LTBP1: variants seen among roughly 807,000 people sequenced by gnomAD.
LTBP1 encodes the protein latent-transforming growth factor beta-binding protein 1.
In LTBP1, 129 loss-of-function variants were observed where a neutral mutation model predicts 207.6. The observed-to-expected ratio is 0.62, with a 90% CI of 0.54 to 0.72. The LOEUF (loss-of-function observed/expected upper bound fraction) is 0.72. LTBP1 is among the 30% of genes least tolerant of loss of function. LTBP1 has a pLI of 0.00. For synonymous variants in LTBP1, 963 were observed against 833.7 expected, an observed-to-expected ratio of 1.16 and a Z score of -2.67; for missense variants, 2,281 against 2,217.2, an observed-to-expected ratio of 1.03 and a Z score of -0.58.
At position 32,979,174 on chromosome 2, in the gene LTBP1, A is replaced by T. The variant is rs182642615; in HGVS notation, c.565+30229A>T. 2.6e-3 allele frequency among the ~76,000 whole-genome samples: 395 copies of T among 149,174 alleles called. 1 individual carries two copies. The highest frequency in any genetic ancestry group is 6.9e-3 in the Middle Eastern group (2 of 288). On this transcript the variant is annotated intron_variant, in intron 2 of 33. Coordinates refer to ENST00000404816, the MANE Select transcript of LTBP1 (RefSeq NM_206943.4). ...CATTTCATTGATCTTTTATATATAT[A>T]TTTTTTTCATTTAAATTTCATTTAT...
intron 5 of LTBP1, among the ~76,000 whole-genome samples, chr2:33,142,784 T>A (rs1407360286): frequency 1.3e-5 from 2 of 152,186 alleles, no homozygotes; most frequent in Non-Finnish European, 2.9e-5. Flanking sequence ...TTGCTCCTTT[T>A]AAGCCATTCC....
At chr2:33,236,462 A>G (rs577293108) in intron 9 of LTBP1, among the ~76,000 whole-genome samples, 1 of 152,180 alleles carries the variant, frequency 6.6e-6, no homozygotes, top group African/African-American at 2.4e-5. Flanking sequence ...TGAGCACCCT[A>G]TTTCAGCATT....
chr2:33,337,511 A>AT (rs2094566846), intron 24 of LTBP1, among the ~76,000 whole-genome samples: 1 of 152,228 alleles, frequency 6.6e-6, no homozygotes, highest in African/African-American at 2.4e-5. Context: ...CTTTATTTCC[A>AT]TTGAAATATC....
intron 3 of LTBP1, among the ~76,000 whole-genome samples, chr2:33,064,658 C>A (rs1386693937): frequency 6.6e-6 from 1 of 152,104 alleles, no homozygotes; most frequent in African/African-American, 2.4e-5. Flanking sequence ...TTTTCATTTC[C>A]CTGGATAGCA....
chr2:33,258,546 C>CA (rs2092922818), intron 12 of LTBP1, among the ~76,000 whole-genome samples: 1 of 152,114 alleles, frequency 6.6e-6, no homozygotes, highest in Admixed American at 6.5e-5. Flanking sequence ...GCAGAACAGG[C>CA]AAAACCTCAG....
Position 33,257,428 on chromosome 2 carries a change from C to G in LTBP1, c.2312C>G (p.Pro771Arg). ...NTQPVAKSTH[P>R]PPLPAKEEPV... ...CAACCTGTTGCTAAAAGTACTCATC[C>G]TCCACCTCTCCCAGCCAAGGAAGAG... Residue 771 changes from proline (P) to arginine (R), a missense_variant, in exon 12 of 34, where the codon CCT (proline) becomes CGT (arginine). Pro to Arg is a moderately radical substitution (Grantham distance 103, BLOSUM62 -2). This residue lies in a region of LTBP1 where 1,671 missense variants were observed against 1,634.8 expected (regional missense o/e 1.02). Coordinates refer to ENST00000404816, the MANE Select transcript of LTBP1 (RefSeq NM_206943.4). 6.2e-7 allele frequency: 1 copy of G among 1,614,216 alleles called. No homozygotes were observed. Among genetic ancestry groups the G allele is most frequent in the Non-Finnish European group, 8.5e-7 (1 of 1,180,020 alleles).
rs866861130 is a variant in LTBP1, at chr2:33,299,918, C to T, written c.3236-533C>T. ...TATTCAGCAGTCATCATAATACTAC[C>T]ATTTCTCTTGGCTTTCCTTGTTACT... is the stretch of plus-strand genomic sequence containing the variant. On this transcript the variant is annotated intron_variant, in intron 20 of 33. Coordinates refer to ENST00000404816, the MANE Select transcript of LTBP1 (RefSeq NM_206943.4). Among the ~76,000 whole-genome samples the T allele has an allele frequency of 9.2e-5, 14 of 152,328 alleles. No homozygotes were observed. In the South Asian group the frequency reaches 1.0e-3, roughly 11 times the overall value.
intron 2 of LTBP1, among the ~76,000 whole-genome samples, chr2:32,992,385 G>A (rs1684552235): frequency 1.3e-5 from 2 of 152,180 alleles, no homozygotes; most frequent in South Asian, 4.1e-4. Flanking sequence ...CGGGAGAAGG[G>A]CATTCCAGGA....
At chr2:33,077,652 C>A (rs1388389096) in intron 3 of LTBP1, among the ~76,000 whole-genome samples, 1 of 152,118 alleles carries the variant, frequency 6.6e-6, no homozygotes, top group Non-Finnish European at 1.5e-5. Context: ...ACCCCCGAAC[C>A]GGCCCCACCT....
chr2:33,057,598 A>G (rs2077066446), intron 3 of LTBP1, among the ~76,000 whole-genome samples: 1 of 152,220 alleles, frequency 6.6e-6, no homozygotes, highest in African/African-American at 2.4e-5. Context: ...AGGCCTGGCG[A>G]GAAATAGAGC....
At chr2:33,344,049 C>T (rs1379993399) in intron 25 of LTBP1, among the ~76,000 whole-genome samples, 1 of 152,128 alleles carries the variant, frequency 6.6e-6, no homozygotes, top group Non-Finnish European at 1.5e-5. Context: ...GACATTAGTT[C>T]ATTTGCCATC....
intron 7 of LTBP1, among the ~76,000 whole-genome samples, chr2:33,195,630 C>T (rs570767065): frequency 7.9e-5 from 12 of 152,330 alleles, no homozygotes; most frequent in African/African-American, 2.9e-4. Flanking sequence ...ATGAAATCGA[C>T]TCCTGGTGTA....
intron 2 of LTBP1, among the ~76,000 whole-genome samples, chr2:33,009,887 C>T (rs532163740): frequency 3.3e-5 from 5 of 152,128 alleles, no homozygotes; most frequent in Admixed American, 6.5e-5. Flanking sequence ...TCGATGAGAC[C>T]GTTGGATGTG....
At chr2:33,329,407 A>G (rs2094468555) in intron 24 of LTBP1, among the ~76,000 whole-genome samples, 1 of 151,026 alleles carries the variant, frequency 6.6e-6, no homozygotes, top group Non-Finnish European at 1.5e-5. Flanking sequence ...AATTTTAATG[A>G]AGTCCAGTGT....
chr2:33,169,323 A>G (rs1228708068), intron 5 of LTBP1, among the ~76,000 whole-genome samples: 2 of 152,180 alleles, frequency 1.3e-5, no homozygotes, highest in Admixed American at 1.3e-4. Context: ...TTTCTTTTCC[A>G]GCACATTATG....
intron 31 of LTBP1, among the ~76,000 whole-genome samples, chr2:33,388,779 AG>A (rs1299074969): frequency 1.3e-5 from 2 of 152,136 alleles, no homozygotes; most frequent in African/African-American, 4.8e-5. Flanking sequence ...AGAGCGAAAA[AG>A]CACCTCTCTG....
At chr2:33,096,368 T>G (rs1188771134) in intron 3 of LTBP1, among the ~76,000 whole-genome samples, 2 of 152,188 alleles carry the variant, frequency 1.3e-5, no homozygotes, top group Non-Finnish European at 2.9e-5. Flanking sequence ...ACAGCAAGAA[T>G]TTCTGAAGGA....
At chr2:33,104,657 G>A (rs75930272) in intron 3 of LTBP1, among the ~76,000 whole-genome samples, 1,933 of 152,190 alleles carry the variant, frequency 0.013, 58 homozygotes, top group African/African-American at 0.045. Context: ...ACCATTAAGT[G>A]TGAGTATCCT....
chr2:33,152,267 G>A (rs1392658288), intron 5 of LTBP1, among the ~76,000 whole-genome samples: 1 of 152,028 alleles, frequency 6.6e-6, no homozygotes, highest in Non-Finnish European at 1.5e-5. Flanking sequence ...GGACGTGAAT[G>A]GACAATTCTC....
Sources: gnomAD v4.1 joint callset for allele counts (sites outside exome capture counted in the v4.1 genomes callset) on GRCh38, gnomAD v4.1.1 for gene constraint, gnomAD v4.1.1 regional missense constraint, MANE v1.5 for transcripts, NCBI Gene and HGNC (gene_info 2026-07-23, HGNC 2026-07-21) for gene names.